GNG7: variants seen among roughly 807,000 people sequenced by gnomAD.
GNG7 encodes guanine nucleotide-binding protein G(I)/G(S)/G(O) subunit gamma-7.
Under a neutral mutation model 4.0 loss-of-function variants are expected in GNG7, and 1 was observed. The ratio of observed to expected loss-of-function variants is 0.25; its 90% CI spans 0.09 to 1.18. GNG7 has a LOEUF of 1.18. Ranked by LOEUF, GNG7 falls within the 50% of genes most tolerant of loss-of-function variation. GNG7 has a pLI of 0.50. For missense variants in GNG7, 86 were observed against 91.9 expected, an observed-to-expected ratio of 0.94 and a Z score of 0.26; for synonymous variants, 34 against 36.9, an observed-to-expected ratio of 0.92 and a Z score of 0.29.
chr19:2,583,399 G>T (rs116748786), intron 2 of GNG7, among the ~76,000 whole-genome samples: 202 of 152,308 alleles, frequency 1.3e-3, no homozygotes, highest in African/African-American at 4.7e-3. Context: ...GGCTGGCTCA[G>T]CACAGTCTTG....
intron 1 of GNG7, among the ~76,000 whole-genome samples, chr19:2,646,961 T>C (rs548493501): frequency 6.6e-6 from 1 of 152,272 alleles, no homozygotes; most frequent in South Asian, 2.1e-4. Context: ...CCCAGGACTT[T>C]TCCAGAGTTA....
intron 1 of GNG7, among the ~76,000 whole-genome samples, chr19:2,659,024 C>T (rs1283309444): frequency 2.7e-5 from 4 of 150,666 alleles, no homozygotes; most frequent in African/African-American, 9.8e-5. Flanking sequence ...GGCTGGAGGG[C>T]AGTGGCACAA....
chr19:2,553,783 A>T (rs898753101), intron 3 of GNG7, among the ~76,000 whole-genome samples: 2 of 144,116 alleles, frequency 1.4e-5, no homozygotes, highest in Non-Finnish European at 3.0e-5. Flanking sequence ...ATGTTATATC[A>T]CACACATGTA....
rs35982775 is a variant in GNG7, at chr19:2,618,342, G to GGTGTGTGTGTGTGTGT, written c.-78+27866_-78+27881dup. ...TTCTCTTTTCTACCTGTATGTGTGT[G>GGTGTGTGTGTGTGTGT]GTGTGTGTGTGTGTGTGTGTGTGTG... On this transcript the variant is annotated intron_variant, in intron 2 of 4. Transcript: ENST00000382159. The surrounding 1 kb of genome is among the most constrained non-coding windows in gnomAD (Gnocchi z 5.1). Among the ~76,000 whole-genome samples the GGTGTGTGTGTGTGTGT allele has an allele frequency of 6.8e-6, 1 of 146,402 alleles. No homozygotes were observed. The highest frequency in any genetic ancestry group is 2.5e-5 in the African/African-American group (1 of 39,844).
At chr19:2,569,280 T>C (rs978518202) in intron 2 of GNG7, among the ~76,000 whole-genome samples, 12 of 151,618 alleles carry the variant, frequency 7.9e-5, no homozygotes, top group African/African-American at 2.9e-4. Flanking sequence ...TCTCTCTCTC[T>C]TTCTTTTTTT....
chr19:2,681,202 G>T (rs1490782819), intron 1 of GNG7, among the ~76,000 whole-genome samples: 1 of 151,112 alleles, frequency 6.6e-6, no homozygotes, highest in Non-Finnish European at 1.5e-5. Flanking sequence ...TATTGTTTTT[G>T]AGACGGAGTC....
intron 2 of GNG7, among the ~76,000 whole-genome samples, chr19:2,556,308 GC>G (rs1979541942): frequency 6.6e-6 from 1 of 152,208 alleles, no homozygotes; most frequent in Admixed American, 6.5e-5. Context: ...CAGTGGGCTT[GC>G]CCGGCGAGGT....
intron 1 of GNG7, among the ~76,000 whole-genome samples, chr19:2,686,207 G>C (rs1039977419): frequency 1.2e-4 from 18 of 151,752 alleles, no homozygotes; most frequent in Admixed American, 7.9e-4. Flanking sequence ...GCCCAGGCTG[G>C]AGTGCAGTGG....
intron 2 of GNG7, among the ~76,000 whole-genome samples, chr19:2,565,372 C>T (rs1435799548): frequency 2.0e-5 from 3 of 151,942 alleles, no homozygotes; most frequent in Admixed American, 1.3e-4. Context: ...ATTAGCTGGA[C>T]GTGGTGGCAC....
At chr19:2,696,334 GAAAGAAAGAAAGA>G (rs1555705074) in intron 1 of GNG7, among the ~76,000 whole-genome samples, 181 of 133,996 alleles carry the variant, frequency 1.4e-3, no homozygotes, top group African/African-American at 4.2e-3. Context: ...AAGAAAGAAA[GAAAGAAAGAAAGA>G]AAAGAAAGAA....
At chr19:2,601,092 G>A (rs925114526) in intron 2 of GNG7, among the ~76,000 whole-genome samples, 4 of 151,832 alleles carry the variant, frequency 2.6e-5, no homozygotes, top group East Asian at 1.9e-4. Flanking sequence ...CTAGGATCAC[G>A]CCACTACACT....
intron 3 of GNG7, among the ~76,000 whole-genome samples, chr19:2,523,901 G>A (rs1457812952): frequency 6.6e-6 from 1 of 152,144 alleles, no homozygotes; most frequent in Non-Finnish European, 1.5e-5. Flanking sequence ...CACTTTTTGG[G>A]GGCAGAGAAG....
At chr19:2,645,243 C>CTCTT (rs755862224) in intron 2 of GNG7, among the ~76,000 whole-genome samples, 10 of 135,508 alleles carry the variant, frequency 7.4e-5, no homozygotes, top group South Asian at 4.5e-4. Context: ...CTCTCTCTCT[C>CTCTT]TTTTTTTTTT....
intron 2 of GNG7, among the ~76,000 whole-genome samples, chr19:2,621,592 G>A (rs1568265350): frequency 1.3e-5 from 2 of 152,026 alleles, no homozygotes; most frequent in Admixed American, 1.3e-4. Context: ...AGCTACTCGG[G>A]AGGCTGAGGC....
intron 2 of GNG7, among the ~76,000 whole-genome samples, chr19:2,590,845 C>A (rs1230506682): frequency 6.6e-6 from 1 of 150,724 alleles, no homozygotes; most frequent in Non-Finnish European, 1.5e-5. Flanking sequence ...ATCCACTCAT[C>A]CATCCACCCA....
At chr19:2,651,575 C>CTT (rs748291961) in intron 1 of GNG7, among the ~76,000 whole-genome samples, 27 of 125,172 alleles carry the variant, frequency 2.2e-4, no homozygotes, top group South Asian at 1.7e-3. Flanking sequence ...CTCTCTCTCT[C>CTT]TTTTTTTTTT....
At chr19:2,616,346 G>C (rs1366974454) in intron 2 of GNG7, among the ~76,000 whole-genome samples, 7 of 152,044 alleles carry the variant, frequency 4.6e-5, no homozygotes, top group Admixed American at 3.9e-4. Flanking sequence ...CCGTGTTCCA[G>C]CGATTCTCCT....
rs1599371523 is a variant in GNG7 at position 2,523,263 on chromosome 19, G to A, written c.-37-2538C>T. On this transcript the variant is annotated intron_variant, in intron 3 of 4. Coordinates refer to ENST00000382159, the MANE Select transcript of GNG7 (RefSeq NM_052847.3). ...GGGAGATAGGTCTCTGTATAAAAGGGCAACACAGCCAGGCATGGTGGCTCT... is the reference window on the plus strand; with the variant it reads ...GGGAGATAGGTCTCTGTATAAAAGGACAACACAGCCAGGCATGGTGGCTCT... Among the ~76,000 whole-genome samples the A allele has an allele frequency of 4.0e-5, 6 of 151,148 alleles. No individual in the cohort carries two copies. In the South Asian group the frequency reaches 1.3e-3, roughly 32 times the overall value.
At chr19:2,613,589 C>T (rs976070123) in intron 2 of GNG7, among the ~76,000 whole-genome samples, 1 of 151,714 alleles carries the variant, frequency 6.6e-6, no homozygotes, top group Non-Finnish European at 1.5e-5. Context: ...GAGATGGTCA[C>T]GGAATGCAGA....
Sources: gnomAD v4.1 joint callset for allele counts (sites outside exome capture counted in the v4.1 genomes callset) on GRCh38, gnomAD v4.1.1 for gene constraint, Gnocchi (gnomAD v3.1) non-coding constraint, MANE v1.5 for transcripts, NCBI Gene and HGNC (gene_info 2026-07-23, HGNC 2026-07-21) for gene names.